Variants in FOXO1 observed in about 807,000 individuals in gnomAD.
The protein encoded by FOXO1 is forkhead box O1, also known as forkhead box protein O1.
FOXO1 carries 6 observed loss-of-function variants against 44.1 expected under a neutral mutation model. That is an observed-to-expected ratio of 0.14 (90% CI 0.07 to 0.27). The LOEUF is 0.27. Ranked by LOEUF, FOXO1 falls within the 10% of genes least tolerant of loss-of-function variation. The pLI, the probability that FOXO1 is intolerant of heterozygous loss-of-function variation, is 1.00. For missense variants in FOXO1, 737 were observed against 888.8 expected (o/e 0.83, Z 2.17); for synonymous variants, 380 against 362.7 (o/e 1.05, Z -0.54).
rs984728491 is a variant in FOXO1, at chr13:40,665,251, G to A, written c.630+332C>T. On this transcript the variant is annotated intron_variant, in intron 1 of 2. Transcript: ENST00000379561. ...AGCCGAAGCAGTCGGCGCGGGCCGG[G>A]GGTTGCCGCTCCCAGCGAACCCCTT... Among the ~76,000 whole-genome samples, 4 of 152,184 alleles carry A rather than the reference G, an allele frequency of 2.6e-5. No homozygotes were observed. The Middle Eastern group carries it at 0.01, about 391-fold the overall frequency.
chr13:40,591,095 G>C (rs1405432328), intron 1 of FOXO1, among the ~76,000 whole-genome samples: 11 of 152,108 alleles, frequency 7.2e-5, no homozygotes, highest in Non-Finnish European at 7.3e-5. Flanking sequence ...AGTGGAGAGG[G>C]AGGACTGCTT....
intron 1 of FOXO1, chr13:40,619,478 GT>G (rs2137900365): frequency 1.5e-6 from 2 of 1,292,514 alleles, no homozygotes; most frequent in East Asian, 2.4e-5. Flanking sequence ...AACTCGAACA[GT>G]GGAGAGTTTC....
intron 1 of FOXO1, among the ~76,000 whole-genome samples, chr13:40,563,667 A>T (rs2755209): frequency 2.6e-5 from 4 of 151,766 alleles, no homozygotes; most frequent in African/African-American, 9.7e-5. Flanking sequence ...GGCTTAGAGT[A>T]GGTACAAGAA....
chr13:40,594,497 GA>G (rs960989350), intron 1 of FOXO1, among the ~76,000 whole-genome samples: 1 of 152,194 alleles, frequency 6.6e-6, no homozygotes, highest in Non-Finnish European at 1.5e-5. Context: ...TCTAGTTACT[GA>G]AAGAGCAGAA....
chr13:40,665,423 G>T (rs551314912), intron 1 of FOXO1, among the ~76,000 whole-genome samples, 160 bp downstream of exon 1: 1 of 151,532 alleles, frequency 6.6e-6, no homozygotes, highest in Non-Finnish European at 1.5e-5. Flanking sequence ...GTCCCCGACC[G>T]GACCCGGGCG....
chr13:40,594,324 G>A (rs938131699), intron 1 of FOXO1, among the ~76,000 whole-genome samples: 2 of 152,138 alleles, frequency 1.3e-5, no homozygotes, highest in Admixed American at 6.5e-5. Context: ...GAACTGAAGA[G>A]CAGGAAGGAG....
intron 1 of FOXO1, among the ~76,000 whole-genome samples, chr13:40,656,579 G>A (rs1300784455): frequency 1.3e-5 from 2 of 152,156 alleles, no homozygotes; most frequent in Non-Finnish European, 2.9e-5. Context: ...CCGTATGTCA[G>A]TTTCAAAATC....
At chr13:40,563,158 G>A (rs1365913860) in intron 1 of FOXO1, among the ~76,000 whole-genome samples, 1 of 152,172 alleles carries the variant, frequency 6.6e-6, no homozygotes, top group Non-Finnish European at 1.5e-5. Flanking sequence ...GTCACCCAGG[G>A]GTGCAGCCAC....
intron 1 of FOXO1, among the ~76,000 whole-genome samples, chr13:40,624,317 T>TTAAAAAAAAAAAAAAAAAA (rs781451856): frequency 9.9e-6 from 1 of 100,952 alleles, no homozygotes; most frequent in African/African-American, 3.4e-5. Context: ...TAATACTGCT[T>TTAAAAAAAAAAAAAAAAAA]AAAAAAAAAA....
chr13:40,579,430 C>A (rs1874879861), intron 1 of FOXO1, among the ~76,000 whole-genome samples: 1 of 152,226 alleles, frequency 6.6e-6, no homozygotes, highest in Non-Finnish European at 1.5e-5. Context: ...CAACAGTCAA[C>A]ATCATCTTCA....
In FOXO1 at chr13:40,559,999, T is replaced by A. The variant is rs1873922829; in HGVS notation, c.1492A>T (p.Met498Leu). 3.1e-6 allele frequency: 5 copies of A among 1,613,994 alleles called. No individual in the cohort carries two copies. In the South Asian group the frequency reaches 4.4e-5, roughly 14 times the overall value. ...NSRVLGQNVM[M>L]GPNSVMSTYG... Reference sequence around the variant, plus strand: ...GTTGACATGACCGAATTAGGGCCCATCATGACGTTCTGGCCCAGAACCCGG... The same window carrying A: ...GTTGACATGACCGAATTAGGGCCCAACATGACGTTCTGGCCCAGAACCCGG... The change falls in exon 2 of 3, where the codon ATG (methionine) becomes TTG (leucine). Residue 498 changes from methionine to leucine, a missense_variant. Coordinates refer to ENST00000379561, the MANE Select transcript of FOXO1 (RefSeq NM_002015.4).
rs182721037 is a variant in FOXO1 at position 40,655,483 on chromosome 13, C to T, written c.630+10100G>A. Among the ~76,000 whole-genome samples, 8 of 152,056 alleles carry T rather than the reference C, an allele frequency of 5.3e-5. No individual in the cohort carries two copies. The East Asian group carries it at 9.7e-4, about 18-fold the overall frequency. On this transcript the variant is annotated intron_variant, in intron 1 of 2. Coordinates refer to ENST00000379561, the MANE Select transcript of FOXO1 (RefSeq NM_002015.4). ...GTGCGTCTGAAAGCTATTTTCTCCA[C>T]GTGGAAGGTAACTTAGACATTTAAT...
At chr13:40,650,278 C>T (rs1237015557) in intron 1 of FOXO1, among the ~76,000 whole-genome samples, 1 of 152,160 alleles carries the variant, frequency 6.6e-6, no homozygotes, top group Admixed American at 6.5e-5. Flanking sequence ...TGGGTTTTAG[C>T]TGGCTTCTTT....
intron 1 of FOXO1, among the ~76,000 whole-genome samples, chr13:40,584,097 C>A (rs901554080): frequency 2.6e-5 from 4 of 152,030 alleles, no homozygotes; most frequent in African/African-American, 9.7e-5. Context: ...TGGGGAATGG[C>A]AGGTTGGTGG....
chr13:40,665,618 C>T lies in FOXO1; in HGVS notation c.595G>A (p.Asp199Asn). The T allele has an allele frequency of 6.8e-7, 1 of 1,477,274 alleles. No individual in the cohort carries two copies. The highest frequency in any genetic ancestry group is 1.3e-5 in the South Asian group (1 of 75,110). The allele number at this position is 1,477,274 out of a possible 1,614,324, so 91.5% of individuals were successfully genotyped here. ...GCCGAGCTGTTGCTGTCACCCTTAT[C>T]CTTGAAGTAGGGCACGCTCTTGACC... Reference protein sequence around the residue: ...WMVKSVPYFKDKGDSNSSAGW... With the variant: ...WMVKSVPYFKNKGDSNSSAGW... Residue 199 changes from aspartate to asparagine, a missense_variant, in exon 1 of 3, where the codon GAT becomes AAT. Asp to Asn is a conservative substitution (Grantham distance 23, BLOSUM62 1). Transcript: ENST00000379561.
At chr13:40,623,074 C>G (rs1432135501) in intron 1 of FOXO1, among the ~76,000 whole-genome samples, 3 of 151,906 alleles carry the variant, frequency 2.0e-5, no homozygotes, top group Non-Finnish European at 4.4e-5. Context: ...AACAAAACCA[C>G]CTGATTTGCA....
At chr13:40,602,042 C>T (rs569282815) in intron 1 of FOXO1, among the ~76,000 whole-genome samples, 292 of 152,226 alleles carry the variant, frequency 1.9e-3, no homozygotes, top group African/African-American at 6.7e-3. Context: ...TCATGTAAAC[C>T]TTAGTCCCAT....
Position 40,560,434 on chromosome 13 carries a change from C to G in FOXO1, c.1057G>C (p.Ala353Pro). 6.2e-7 allele frequency: 1 copy of G among 1,614,066 alleles called. No individual in the cohort carries two copies. The highest frequency in any genetic ancestry group is 1.1e-5 in the South Asian group (1 of 91,076). ...CTGGGTAAAGTAGAGGCCATCTTTG[C>G]GGCAGATGGCGGGTACACCATAGAA... ...VHSMVYPPSA[A>P]KMASTLPSLS... Residue 353 changes from alanine (A) to proline (P), a missense_variant, in exon 2 of 3, where the codon GCA (alanine) becomes CCA (proline). Ala to Pro is a conservative substitution (Grantham distance 27, BLOSUM62 -1). Around this residue, in one of 7 missense-constraint regions of FOXO1, gnomAD observed 136 missense variants for 186.4 expected, o/e 0.73. Coordinates refer to ENST00000379561, the MANE Select transcript of FOXO1 (RefSeq NM_002015.4). The surrounding 1 kb of genome is among the most constrained non-coding windows in gnomAD (Gnocchi z 5.1).
intron 1 of FOXO1, among the ~76,000 whole-genome samples, chr13:40,608,417 C>T (rs1876100848): frequency 6.6e-6 from 1 of 152,200 alleles, no homozygotes; most frequent in South Asian, 2.1e-4. Flanking sequence ...CAAAGTGAGA[C>T]ACATGGAGTA....
Sources: gnomAD v4.1 joint callset for allele counts (sites outside exome capture counted in the v4.1 genomes callset) on GRCh38, gnomAD v4.1.1 for gene constraint, gnomAD v4.1.1 regional missense constraint, Gnocchi (gnomAD v3.1) non-coding constraint, MANE v1.5 for transcripts, NCBI Gene and HGNC (gene_info 2026-07-23, HGNC 2026-07-21) for gene names.